Variants in LOC128706665 observed in about 807,000 individuals in gnomAD.
the LOC128706665 span, among the ~76,000 whole-genome samples, chr20:10,423,646 C>G: frequency 2.0e-5 from 3 of 152,114 alleles, no homozygotes; most frequent in South Asian, 6.2e-4. Flanking sequence ...ATAGGGTTAG[C>G]TCCCTATAAT....
At chr20:10,418,955 T>A in the LOC128706665 span, among the ~76,000 whole-genome samples, 1 of 152,180 alleles carries the variant, frequency 6.6e-6, no homozygotes, top group African/African-American at 2.4e-5. Flanking sequence ...TCTTTTAAGT[T>A]GTTAAGCTTC....
At chr20:10,433,401 G>T in the LOC128706665 span, among the ~76,000 whole-genome samples, 1 of 152,332 alleles carries the variant, frequency 6.6e-6, no homozygotes, top group East Asian at 1.9e-4. Context: ...AGAACATGGA[G>T]TCAGGACCGT....
the LOC128706665 span, among the ~76,000 whole-genome samples, chr20:10,416,643 T>C: frequency 1.3e-5 from 2 of 152,208 alleles, no homozygotes; most frequent in African/African-American, 4.8e-5. Context: ...TTGCTTTCCT[T>C]GTATAAATGC....
the LOC128706665 span, among the ~76,000 whole-genome samples, chr20:10,433,825 G>C: frequency 6.6e-6 from 1 of 152,202 alleles, no homozygotes; most frequent in South Asian, 2.1e-4. Flanking sequence ...GCAGGTGGGA[G>C]CGTGGTGAGG....
At chr20:10,429,034 GAA>G in the LOC128706665 span, among the ~76,000 whole-genome samples, 1 of 152,050 alleles carries the variant, frequency 6.6e-6, no homozygotes, top group Non-Finnish European at 1.5e-5. Flanking sequence ...TTTCTCCACT[GAA>G]AAGAGTCAAA....
At chr20:10,414,077 A>C in the LOC128706665 span, 1 of 369,326 alleles carries the variant, frequency 2.7e-6, no homozygotes, top group Non-Finnish European at 4.8e-6. Context: ...TGAGAAAGGT[A>C]GACCAACTTT....
At chr20:10,418,035 A>C in the LOC128706665 span, among the ~76,000 whole-genome samples, 18 of 152,354 alleles carry the variant, frequency 1.2e-4, no homozygotes, top group East Asian at 3.3e-3. Context: ...TTTTATAGAC[A>C]AATTCAGAAA....
At chr20:10,430,052 CA>C in the LOC128706665 span, among the ~76,000 whole-genome samples, 1 of 152,034 alleles carries the variant, frequency 6.6e-6, no homozygotes, top group African/African-American at 2.4e-5. Flanking sequence ...AAAACAAAAA[CA>C]AAAACAAATC....
chr20:10,426,032 T>C, the LOC128706665 span, among the ~76,000 whole-genome samples: 3 of 152,254 alleles, frequency 2.0e-5, no homozygotes, highest in Non-Finnish European at 4.4e-5. Context: ...GCAATCTTAA[T>C]GTGGATTATG....
the LOC128706665 span, among the ~76,000 whole-genome samples, chr20:10,432,789 CAAAAAAAAAAAA>C: frequency 1.3e-5 from 1 of 74,590 alleles, no homozygotes; most frequent in East Asian, 4.3e-4. Context: ...GACTCTTTGT[CAAAAAAAAAAAA>C]AAAAAAAAAA....
chr20:10,427,341 T>C, the LOC128706665 span, among the ~76,000 whole-genome samples: 1 of 152,220 alleles, frequency 6.6e-6, no homozygotes, highest in Non-Finnish European at 1.5e-5. Context: ...TTGGTCTTAA[T>C]TGCTGTTGTG....
At chr20:10,427,029 G>GACACACACACACACACACAC in the LOC128706665 span, among the ~76,000 whole-genome samples, 404 of 130,762 alleles carry the variant, frequency 3.1e-3, 4 homozygotes, top group Non-Finnish European at 4.7e-3. Flanking sequence ...AGAAAACACT[G>GACACACACACACACACACAC]ACACACACAC....
the LOC128706665 span, among the ~76,000 whole-genome samples, chr20:10,418,477 C>T: frequency 7.6e-4 from 115 of 152,174 alleles, no homozygotes; most frequent in African/African-American, 2.7e-3. Context: ...TTCAACTATT[C>T]GGAATTTGTG....
the LOC128706665 span, among the ~76,000 whole-genome samples, chr20:10,425,735 T>C: frequency 2.6e-5 from 4 of 152,186 alleles, no homozygotes; most frequent in South Asian, 8.3e-4. Context: ...ATCCCTAAAA[T>C]AAGTTAGTGT....
the LOC128706665 span, among the ~76,000 whole-genome samples, chr20:10,426,395 T>C: frequency 6.6e-6 from 1 of 151,016 alleles, no homozygotes; most frequent in Non-Finnish European, 1.5e-5. Context: ...TGGGGCATCA[T>C]GCCTGGCATG....
chr20:10,415,157 A>G, the LOC128706665 span, among the ~76,000 whole-genome samples: 2 of 152,228 alleles, frequency 1.3e-5, no homozygotes, highest in African/African-American at 4.8e-5. Flanking sequence ...ATGTGTGAAA[A>G]GAATAAAAAC....
the LOC128706665 span, among the ~76,000 whole-genome samples, chr20:10,433,149 G>A: frequency 3.3e-5 from 5 of 152,230 alleles, no homozygotes; most frequent in Admixed American, 2.6e-4. Context: ...GATTACAGGC[G>A]TGCGCCACTG....
At chr20:10,419,898 T>C in the LOC128706665 span, among the ~76,000 whole-genome samples, 1 of 152,322 alleles carries the variant, frequency 6.6e-6, no homozygotes, top group African/African-American at 2.4e-5. Context: ...TGACTGCAGG[T>C]AACTGAAACT....
chr20:10,422,134 ATGT>A, the LOC128706665 span, among the ~76,000 whole-genome samples: 1 of 152,312 alleles, frequency 6.6e-6, no homozygotes, highest in East Asian at 1.9e-4. Flanking sequence ...ATAATAAAAG[ATGT>A]TATCTTATAG....
Sources: gnomAD v4.1 joint callset for allele counts (sites outside exome capture counted in the v4.1 genomes callset) on GRCh38, gnomAD v4.1.1 for gene constraint, MANE v1.5 for transcripts.